Variants in VEGFC observed in about 807,000 individuals in gnomAD.
VEGFC encodes the protein FLT4 ligand DHM.
VEGFC carries 12 observed loss-of-function variants against 46.1 expected under a neutral mutation model. The ratio of observed to expected loss-of-function variants is 0.26; its 90% CI spans 0.17 to 0.42. The LOEUF is 0.42. Among genes scored for constraint, VEGFC ranks in the 10% least tolerant of loss-of-function variants. VEGFC has a pLI of 1.00. For synonymous variants in VEGFC, 232 were observed against 195.5 expected (o/e 1.19, Z -1.56); for missense variants, 488 against 529.4 (o/e 0.92, Z 0.77).
chr4:176,762,298 C>G (rs373270970), intron 1 of VEGFC, among the ~76,000 whole-genome samples: 2 of 152,056 alleles, frequency 1.3e-5, no homozygotes, highest in East Asian at 3.9e-4. Context: ...AAGCCTTTGC[C>G]CAGATTGGTG....
intron 1 of VEGFC, among the ~76,000 whole-genome samples, chr4:176,751,496 C>T (rs1418511304): frequency 6.6e-6 from 1 of 151,910 alleles, no homozygotes; most frequent in Non-Finnish European, 1.5e-5. Context: ...ATGTTCACTA[C>T]AGTACTAATT....
intron 1 of VEGFC, among the ~76,000 whole-genome samples, chr4:176,759,695 C>T (rs547903515): frequency 1.3e-5 from 2 of 151,880 alleles, no homozygotes; most frequent in South Asian, 2.1e-4. Context: ...TCACAGTGTA[C>T]ACCATGCATA....
At chr4:176,783,290 C>T (rs1735945813) in intron 1 of VEGFC, among the ~76,000 whole-genome samples, 1 of 152,170 alleles carries the variant, frequency 6.6e-6, no homozygotes, top group Non-Finnish European at 1.5e-5. Flanking sequence ...AACAAATTCA[C>T]ACAAGTTTAA....
chr4:176,788,298 G>A (rs937256249), intron 1 of VEGFC, among the ~76,000 whole-genome samples: 1 of 152,156 alleles, frequency 6.6e-6, no homozygotes. Flanking sequence ...AGAAAGTCTG[G>A]GTTTATTTCC....
At chr4:176,787,026 C>A (rs990743585) in intron 1 of VEGFC, among the ~76,000 whole-genome samples, 1 of 152,090 alleles carries the variant, frequency 6.6e-6, no homozygotes, top group African/African-American at 2.4e-5. Flanking sequence ...CAAAAACAAG[C>A]AGGACTGATG....
At chr4:176,688,071 C>T in intron 4 of VEGFC, 144 bp from the exon 5 acceptor site, 1 of 539,170 alleles carries the variant, frequency 1.9e-6, no homozygotes, top group Non-Finnish European at 3.3e-6. Context: ...ATGTTTTCTC[C>T]CAAACTCTCT....
rs1450196496 is a variant in VEGFC, at chr4:176,683,902, G to A, written c.*24C>T. 8 of 1,577,214 alleles carry A rather than the reference G, an allele frequency of 5.1e-6. No individual in the cohort carries two copies. Among genetic ancestry groups the A allele is most frequent in the East Asian group, 4.5e-5 (2 of 44,656 alleles). The stretch of plus-strand genomic sequence containing the variant: ...ACACAGTTTTCCATAATAGAAAATC[G>A]ATGAACTGGAAAACAGTACAATCTT... On this transcript the variant is annotated 3_prime_UTR_variant, in exon 7 of 7. Transcript: ENST00000618562.
At chr4:176,790,834 G>T (rs944931218) in intron 1 of VEGFC, among the ~76,000 whole-genome samples, 1 of 152,190 alleles carries the variant, frequency 6.6e-6, no homozygotes, top group African/African-American at 2.4e-5. Context: ...AGAACAGAAA[G>T]ATATTTTCAT....
intron 3 of VEGFC, among the ~76,000 whole-genome samples, chr4:176,722,499 G>GTTTTTTTTTTTTT (rs796817880): frequency 6.7e-5 from 7 of 104,682 alleles, no homozygotes; most frequent in Non-Finnish European, 1.1e-4. Flanking sequence ...TTTTTTTTTT[G>GTTTTTTTTTTTTT]TTTTTTTTTT....
intron 1 of VEGFC, among the ~76,000 whole-genome samples, chr4:176,780,176 T>A (rs1182675270): frequency 6.6e-6 from 1 of 152,016 alleles, no homozygotes; most frequent in African/African-American, 2.4e-5. Context: ...GGTCAGGTGT[T>A]CAAGACCAGC....
intron 3 of VEGFC, among the ~76,000 whole-genome samples, chr4:176,726,416 A>AT (rs5864402): frequency 0.94 from 142,319 of 151,832 alleles, 67,393 homozygotes; most frequent in East Asian, 1. Flanking sequence ...TCACCTTTTA[A>AT]TTTTTTTTAA....
In VEGFC at chr4:176,767,730, A is replaced by C. The variant is rs76110478; in HGVS notation, c.147+24435T>G. Among the ~76,000 whole-genome samples the C allele has an allele frequency of 4.4e-3, 675 of 152,342 alleles. 31 individuals carry two copies. The East Asian group carries it at 0.11, about 25-fold the overall frequency. ...TTTTGGTTTTTACTTTTTGTGAAGTAGGGAACTATTCTAGGGCCTTACATA... is the reference window on the plus strand; with the variant it reads ...TTTTGGTTTTTACTTTTTGTGAAGTCGGGAACTATTCTAGGGCCTTACATA... On this transcript the variant is annotated intron_variant, in intron 1 of 6. Coordinates refer to ENST00000618562, the MANE Select transcript of VEGFC (RefSeq NM_005429.5).
chr4:176,777,335 C>T (rs1370120997), intron 1 of VEGFC, among the ~76,000 whole-genome samples: 1 of 152,194 alleles, frequency 6.6e-6, no homozygotes, highest in East Asian at 1.9e-4. Flanking sequence ...AAACAAAAAA[C>T]TACTGCATGG....
chr4:176,711,514 G>A lies in VEGFC; in HGVS notation c.689C>T (p.Pro230Leu), dbSNP rs1177795919. 9 of 1,612,710 alleles carry A rather than the reference G, an allele frequency of 5.6e-6. No homozygotes were observed. Among genetic ancestry groups the A allele is most frequent in the Non-Finnish European group, 6.8e-6 (8 of 1,179,350 alleles). ...QVHSIIRRSL[P>L]ATLPQCQAAN... ...TCATACTCACTGTGGTAGTGTTGCT[G>A]GCAGGGAACGTCTAATAATGGAATG... Residue 230 changes from proline to leucine, a missense_variant, in exon 4 of 7, where the codon CCA becomes CTA. Pro to Leu is a moderately conservative substitution (Grantham distance 98, BLOSUM62 -3). Coordinates refer to ENST00000618562, the MANE Select transcript of VEGFC (RefSeq NM_005429.5).
At chr4:176,727,087 T>C (rs1224207195) in intron 3 of VEGFC, among the ~76,000 whole-genome samples, 2 of 152,182 alleles carry the variant, frequency 1.3e-5, no homozygotes, top group Admixed American at 6.5e-5. Context: ...CGCCAGCACA[T>C]ACGCGTGTTC....
chr4:176,784,756 CAAAAAAAAA>C (rs5864405), intron 1 of VEGFC, among the ~76,000 whole-genome samples: 6 of 22,992 alleles, frequency 2.6e-4, no homozygotes, highest in African/African-American at 5.3e-4. Flanking sequence ...GAGTCTGTCT[CAAAAAAAAA>C]AAAAAAAAAA....
chr4:176,764,041 G>A (rs563206166), intron 1 of VEGFC, among the ~76,000 whole-genome samples: 3 of 152,240 alleles, frequency 2.0e-5, no homozygotes, highest in Non-Finnish European at 2.9e-5. Context: ...GACCATGATG[G>A]AATAGCTTGT....
intron 4 of VEGFC, chr4:176,689,209 G>A (rs1305816987): frequency 1.3e-5 from 2 of 152,132 alleles, no homozygotes; most frequent in African/African-American, 4.8e-5. Flanking sequence ...CAAATTGATA[G>A]AACATAGTAA....
chr4:176,738,407 A>T (rs1420441242), intron 1 of VEGFC, among the ~76,000 whole-genome samples: 2 of 152,154 alleles, frequency 1.3e-5, no homozygotes, highest in South Asian at 2.1e-4. Context: ...ACACACCTAC[A>T]ACCATCTGAC....
Sources: gnomAD v4.1 joint callset for allele counts (sites outside exome capture counted in the v4.1 genomes callset) on GRCh38, gnomAD v4.1.1 for gene constraint, MANE v1.5 for transcripts, NCBI Gene and HGNC (gene_info 2026-07-23, HGNC 2026-07-21) for gene names.